SULF1: variants seen among roughly 807,000 people sequenced by gnomAD.
The protein encoded by SULF1 is extracellular sulfatase Sulf-1.
A neutral mutation model predicts 110.5 loss-of-function variants in SULF1; 46 were observed. That is an observed-to-expected ratio of 0.42 (90% CI 0.33 to 0.53). SULF1 has a LOEUF of 0.53. Ranked by LOEUF, SULF1 falls within the 20% of genes least tolerant of loss-of-function variation. SULF1 has a pLI of 0.12. For synonymous variants in SULF1, 371 were observed against 387.1 expected (o/e 0.96, Z 0.49); for missense variants, 941 against 1,094.2 (o/e 0.86, Z 1.98).
intron 8 of SULF1, among the ~76,000 whole-genome samples, chr8:69,600,004 G>A (rs760571962): frequency 6.6e-6 from 1 of 152,102 alleles, no homozygotes; most frequent in Non-Finnish European, 1.5e-5. Flanking sequence ...AGCTTTATTG[G>A]TAAACATGTA....
chr8:69,586,556 T>C (rs779844457), intron 7 of SULF1, 48 bp downstream of exon 7: 1 of 1,580,378 alleles, frequency 6.3e-7, no homozygotes, highest in Non-Finnish European at 8.5e-7. Context: ...TTGTGCATAA[T>C]GGGGAAAAGC....
chr8:69,568,629 C>A (rs1335581283), intron 5 of SULF1, among the ~76,000 whole-genome samples: 1 of 152,172 alleles, frequency 6.6e-6, no homozygotes, highest in Admixed American at 6.5e-5. Context: ...AATGGCTTAA[C>A]CATGGTCCCC....
At chr8:69,556,096 GTA>G (rs1191486996) in intron 3 of SULF1, among the ~76,000 whole-genome samples, 3 of 152,054 alleles carry the variant, frequency 2.0e-5, no homozygotes, top group Non-Finnish European at 2.9e-5. Context: ...CTGTGTGTGG[GTA>G]TATATATTTA....
At chr8:69,622,043 G>GC (rs1809651870) in intron 14 of SULF1, among the ~76,000 whole-genome samples, 1 of 152,258 alleles carries the variant, frequency 6.6e-6, no homozygotes, top group Non-Finnish European at 1.5e-5. Context: ...GAAGCCCTGA[G>GC]AACAGGCATT....
chr8:69,554,495 A>C (rs965148987), intron 3 of SULF1, among the ~76,000 whole-genome samples: 26 of 152,164 alleles, frequency 1.7e-4, no homozygotes, highest in Non-Finnish European at 1.0e-4. Context: ...TAAAATGCTA[A>C]GTTTTTATTA....
At chr8:69,638,192 C>T (rs1459816843) in intron 19 of SULF1, 2 of 272,330 alleles carry the variant, frequency 7.3e-6, no homozygotes, top group Non-Finnish European at 1.4e-5. Flanking sequence ...TCTCATACTT[C>T]CGTCACTCAC....
intron 1 of SULF1, among the ~76,000 whole-genome samples, chr8:69,484,116 T>C (rs989925524): frequency 2.0e-5 from 3 of 152,226 alleles, no homozygotes; most frequent in African/African-American, 7.2e-5. Context: ...TACCATTAAC[T>C]AGTCCTTATT....
intron 3 of SULF1, among the ~76,000 whole-genome samples, chr8:69,531,004 T>C (rs774075659): frequency 1.3e-5 from 2 of 152,190 alleles, no homozygotes; most frequent in Non-Finnish European, 2.9e-5. Context: ...AACGATGGCA[T>C]GAGGTGGGAG....
chr8:69,573,262 C>T (rs988756646), intron 5 of SULF1, among the ~76,000 whole-genome samples: 2 of 151,898 alleles, frequency 1.3e-5, no homozygotes, highest in Admixed American at 6.6e-5. Context: ...TGCTTGGGAG[C>T]CCTACACAAT....
intron 3 of SULF1, among the ~76,000 whole-genome samples, chr8:69,538,770 A>G (rs1347584686): frequency 1.3e-5 from 2 of 151,712 alleles, no homozygotes; most frequent in Admixed American, 6.6e-5. Context: ...TTGGCTCACT[A>G]CAACCTCCTC....
upstream of SULF1, among the ~76,000 whole-genome samples, chr8:69,490,348 C>T (rs1273897721): frequency 3.9e-5 from 6 of 152,178 alleles, no homozygotes; most frequent in Admixed American, 1.3e-4. Context: ...GCAATCCACC[C>T]GCCTTGGCCT....
At chr8:69,514,102 T>G (rs1811761284) in intron 3 of SULF1, among the ~76,000 whole-genome samples, 1 of 152,198 alleles carries the variant, frequency 6.6e-6, no homozygotes, top group Non-Finnish European at 1.5e-5. Context: ...CTGACTGAAC[T>G]CTAAGATTAT....
At chr8:69,520,735 G>T (rs1172242725) in intron 3 of SULF1, among the ~76,000 whole-genome samples, 1 of 152,092 alleles carries the variant, frequency 6.6e-6, no homozygotes, top group East Asian at 1.9e-4. Context: ...ACCTGGTTTG[G>T]GGTTGAAACC....
At chr8:69,568,437 G>T (rs1441191415) in intron 5 of SULF1, among the ~76,000 whole-genome samples, 1 of 152,126 alleles carries the variant, frequency 6.6e-6, no homozygotes, top group African/African-American at 2.4e-5. Flanking sequence ...TCTGTAAAGG[G>T]AGTAAGACAC....
chr8:69,550,161 C>A (rs1814590609), intron 3 of SULF1, among the ~76,000 whole-genome samples: 1 of 151,428 alleles, frequency 6.6e-6, no homozygotes, highest in South Asian at 2.1e-4. Context: ...AGAGAAAATA[C>A]AAAAACAGAA....
chr8:69,592,951 G>A (rs536036082), intron 8 of SULF1: 1 of 987,288 alleles, frequency 1.0e-6, no homozygotes, highest in Non-Finnish European at 1.2e-6. Context: ...TCTGGACTGT[G>A]TTATCTTTTC....
At chr8:69,590,486 A>G (rs1806816350) in intron 8 of SULF1, among the ~76,000 whole-genome samples, 1 of 152,160 alleles carries the variant, frequency 6.6e-6, no homozygotes, top group Non-Finnish European at 1.5e-5. Context: ...TTTTATTTGT[A>G]CCTTAATGTA....
At chr8:69,488,841 T>C (rs117168424), upstream of SULF1, among the ~76,000 whole-genome samples, 1 of 151,196 alleles carries the variant, frequency 6.6e-6, no homozygotes, top group Non-Finnish European at 1.5e-5. Flanking sequence ...GGGAACAGAG[T>C]GGACAAGCAG....
chr8:69,490,772 A>C (rs1809902314), upstream of SULF1, among the ~76,000 whole-genome samples: 1 of 141,408 alleles, frequency 7.1e-6, no homozygotes, highest in Non-Finnish European at 1.5e-5. Flanking sequence ...GTATGACCAG[A>C]CTCAATTTAC....
Sources: gnomAD v4.1 joint callset for allele counts (sites outside exome capture counted in the v4.1 genomes callset) on GRCh38, gnomAD v4.1.1 for gene constraint, MANE v1.5 for transcripts, NCBI Gene and HGNC (gene_info 2026-07-23, HGNC 2026-07-21) for gene names.